The following SLC5A4 variants were observed in gnomAD, a reference collection of about 807,000 sequenced individuals.
The protein encoded by SLC5A4 is solute carrier family 5 member 4.
Under a neutral mutation model 70.3 loss-of-function variants are expected in SLC5A4, and 55 were observed. That is an observed-to-expected ratio of 0.78 (90% CI 0.63 to 0.98). The LOEUF (loss-of-function observed/expected upper bound fraction) is 0.98. Ranked by LOEUF, SLC5A4 falls within the 50% of genes least tolerant of loss-of-function variation. The pLI is 0.00. For missense variants in SLC5A4, 735 were observed against 839.2 expected (o/e 0.88, Z 1.53); for synonymous variants, 268 against 305.7 (o/e 0.88, Z 1.29).
the SLC5A4 span, among the ~76,000 whole-genome samples, chr22:32,267,414 GA>G: frequency 6.6e-6 from 1 of 152,110 alleles, no homozygotes; most frequent in Non-Finnish European, 1.5e-5. Flanking sequence ...GCAGAGGTGA[GA>G]ATAAATTAAG....
the SLC5A4 span, among the ~76,000 whole-genome samples, chr22:32,336,481 G>A: frequency 1.3e-5 from 2 of 152,194 alleles, no homozygotes; most frequent in Non-Finnish European, 2.9e-5. Flanking sequence ...TCTCTTCCGG[G>A]GCAGGATTAT....
chr22:32,313,578 C>A, the SLC5A4 span, among the ~76,000 whole-genome samples: 2 of 152,220 alleles, frequency 1.3e-5, no homozygotes, highest in African/African-American at 2.4e-5. Flanking sequence ...GGAAACAGGT[C>A]TGCTGGGCAC....
At chr22:32,307,835 C>G in the SLC5A4 span, among the ~76,000 whole-genome samples, 12,963 of 152,242 alleles carry the variant, frequency 0.085, 834 homozygotes, top group African/African-American at 0.18. Context: ...CCAGGCATGG[C>G]CTGACTGTCC....
In SLC5A4 at chr22:32,229,254, A is replaced by T. The variant is rs748146452; in HGVS notation, c.1220T>A (p.Ile407Asn). The T allele has an allele frequency of 6.2e-7, 1 of 1,613,806 alleles. No individual in the cohort carries two copies. Among genetic ancestry groups the T allele is most frequent in the Non-Finnish European group, 8.5e-7 (1 of 1,179,970 alleles). The change falls in exon 11 of 15, where the codon ATT becomes AAT. Residue 407 changes from isoleucine to asparagine, a missense_variant. Physicochemically the swap from Ile to Asn is moderately radical, Grantham distance 149. Transcript: ENST00000266086. ...CTTCCGCATCTTGGTGTAGAGGTCA[A>T]TGGTGAAGAGGGTGCTGGCGCTGTT... The part of the protein sequence containing the change: ...IFNSASTLFT[I>N]DLYTKMRKQA...
intron 7 of SLC5A4, 38 bp from the exon 8 acceptor site, chr22:32,235,131 A>T (rs748303402): frequency 7.0e-7 from 1 of 1,430,878 alleles, no homozygotes; most frequent in Non-Finnish European, 9.8e-7. Context: ...TGTCTTACTG[A>T]AATCTAAGAC....
At chr22:32,255,683 A>G (rs1382511103), upstream of SLC5A4, among the ~76,000 whole-genome samples, 3 of 152,212 alleles carry the variant, frequency 2.0e-5, no homozygotes, top group African/African-American at 4.8e-5. Context: ...ACTAGAAGGT[A>G]CCAGAAACCA....
At chr22:32,345,118 G>GA in the SLC5A4 span, among the ~76,000 whole-genome samples, 3 of 151,954 alleles carry the variant, frequency 2.0e-5, no homozygotes, top group African/African-American at 7.2e-5. Context: ...AAAGCTGTAA[G>GA]AAAAAAAGTG....
In SLC5A4 at chr22:32,220,924, T is replaced by C; in HGVS notation, c.1764A>G (p.Glu588=). The change falls in exon 14 of 15, where the codon GAA becomes GAG. Residue 588 remains glutamate (E), a synonymous_variant. Transcript: ENST00000266086. The part of the protein sequence containing the change: ...KSQEETDDGV[E]EDYPEKSRGC... Reference sequence around the variant, plus strand: ...CAAATGTAAACCAAATATTACCTTCTTCAACACCATCATCTGTTTCTTCCT... The same window carrying C: ...CAAATGTAAACCAAATATTACCTTCCTCAACACCATCATCTGTTTCTTCCT... 1.2e-6 allele frequency: 2 copies of C among 1,602,358 alleles called. No individual in the cohort carries two copies. Among genetic ancestry groups the C allele is most frequent in the East Asian group, 4.5e-5 (2 of 44,828 alleles).
At chr22:32,279,191 G>A in the SLC5A4 span, among the ~76,000 whole-genome samples, 2 of 152,348 alleles carry the variant, frequency 1.3e-5, no homozygotes, top group South Asian at 4.1e-4. Context: ...CAGGAGAATG[G>A]CGTGAACCCG....
At chr22:32,318,302 G>A in the SLC5A4 span, among the ~76,000 whole-genome samples, 1 of 150,140 alleles carries the variant, frequency 6.7e-6, no homozygotes, top group Non-Finnish European at 1.5e-5. Context: ...GATGACTTTT[G>A]AGCCTCAAAC....
At chr22:32,256,357 A>G (rs1927488701), upstream of SLC5A4, among the ~76,000 whole-genome samples, 1 of 152,180 alleles carries the variant, frequency 6.6e-6, no homozygotes, top group South Asian at 2.1e-4. Context: ...AAAAACACAC[A>G]TGAAAAAACG....
At position 32,225,735 on chromosome 22, in the gene SLC5A4, C is replaced by T; in HGVS notation, c.1369G>A (p.Glu457Lys). The change falls in exon 12 of 15, where the codon GAA becomes AAA. Residue 457 changes from glutamate (E) to lysine (K), a missense_variant. By Grantham distance (56) the Glu-to-Lys change is moderately conservative (BLOSUM62 1). Transcript: ENST00000266086. ...SQNGQLIHYT[E>K]SISSYLGPPI... is the part of the protein sequence containing the mutation. The stretch of plus-strand genomic sequence containing the variant: ...GGCCCAAGGTAGCTAGAAATTGATT[C>T]TGTGTAATGGATTAGTTGTCCATTT... 6.2e-7 allele frequency: 1 copy of T among 1,612,662 alleles called. No individual in the cohort carries two copies. Among genetic ancestry groups the T allele is most frequent in the Non-Finnish European group, 8.5e-7 (1 of 1,178,696 alleles).
chr22:32,300,175 A>G, the SLC5A4 span, among the ~76,000 whole-genome samples: 8 of 152,254 alleles, frequency 5.3e-5, no homozygotes, highest in South Asian at 4.2e-4. Flanking sequence ...AGCTGTGGTG[A>G]GCTCCACCCA....
chr22:32,274,022 T>G, the SLC5A4 span, among the ~76,000 whole-genome samples: 1 of 151,406 alleles, frequency 6.6e-6, no homozygotes, highest in Non-Finnish European at 1.5e-5. Context: ...ACTTTTGGCA[T>G]GTTAACATTT....
chr22:32,271,155 C>T, the SLC5A4 span: 2 of 675,316 alleles, frequency 3.0e-6, no homozygotes, highest in Non-Finnish European at 2.7e-6. Flanking sequence ...TCCACTGGTG[C>T]CTGCTGTTGC....
At chr22:32,261,100 C>T in the SLC5A4 span, among the ~76,000 whole-genome samples, 1 of 151,972 alleles carries the variant, frequency 6.6e-6, no homozygotes, top group African/African-American at 2.4e-5. Flanking sequence ...AAGGCAGCCT[C>T]CCCTGACCCA....
the SLC5A4 span, among the ~76,000 whole-genome samples, chr22:32,328,286 C>A: frequency 6.6e-6 from 1 of 152,144 alleles, no homozygotes; most frequent in South Asian, 2.1e-4. Flanking sequence ...AATCCACCTG[C>A]AGCTACTCAC....
the SLC5A4 span, among the ~76,000 whole-genome samples, chr22:32,306,865 GAAGAAACTGGGTAT>G: frequency 6.6e-6 from 1 of 152,016 alleles, no homozygotes; most frequent in Non-Finnish European, 1.5e-5. Context: ...GGAACAATAG[GAAGAAACTGGGTAT>G]GAGAAACTGA....
At chr22:32,354,796 G>C in the SLC5A4 span, 1 of 149,640 alleles carries the variant, frequency 6.7e-6, no homozygotes, top group Non-Finnish European at 1.5e-5. Flanking sequence ...ACCACGCCAC[G>C]CCACAGGCAG....
Sources: gnomAD v4.1 joint callset for allele counts (sites outside exome capture counted in the v4.1 genomes callset) on GRCh38, gnomAD v4.1.1 for gene constraint, MANE v1.5 for transcripts, NCBI Gene and HGNC (gene_info 2026-07-23, HGNC 2026-07-21) for gene names.